Variants in SMC5 observed in about 807,000 individuals in gnomAD.
The protein encoded by SMC5 is structural maintenance of chromosomes 5.
SMC5 carries 88 observed loss-of-function variants against 148.3 expected under a neutral mutation model. The observed-to-expected ratio is 0.59, with a 90% CI of 0.50 to 0.71. The LOEUF (loss-of-function observed/expected upper bound fraction) is 0.71, where lower values mean the gene tolerates loss of function less well. Ranked by LOEUF, SMC5 falls within the 30% of genes least tolerant of loss-of-function variation. SMC5 has a pLI of 0.00. For synonymous variants in SMC5, 421 were observed against 432.8 expected, an observed-to-expected ratio of 0.97 and a Z score of 0.34; for missense variants, 1,142 against 1,298.9, an observed-to-expected ratio of 0.88 and a Z score of 1.86.
intron 1 of SMC5, among the ~76,000 whole-genome samples, chr9:70,262,811 G>A (rs892968649): frequency 4.6e-5 from 7 of 152,170 alleles, no homozygotes; most frequent in African/African-American, 1.7e-4. Flanking sequence ...TTTACCAATA[G>A]CTCTTTCAGA....
chr9:70,326,658 C>T (rs1484149706), intron 17 of SMC5, among the ~76,000 whole-genome samples: 1 of 140,698 alleles, frequency 7.1e-6, no homozygotes, highest in African/African-American at 2.7e-5. Flanking sequence ...AGGTTAAAAG[C>T]TACACTCATC....
chr9:70,264,505 T>C, intron 2 of SMC5, 60 bp downstream of exon 2: 1 of 1,563,288 alleles, frequency 6.4e-7, no homozygotes, highest in Non-Finnish European at 8.8e-7. Flanking sequence ...TTTAGTAACA[T>C]CAATTTCTAC....
Position 70,323,598 on chromosome 9 carries a change from C to G in SMC5, c.2266C>G (p.Leu756Val). Reference protein sequence around the residue: ...KAKLVTELTNLIKICTSLHIQ... With the variant: ...KAKLVTELTNVIKICTSLHIQ... ...GAAACTTGTTACCGAATTAACAAAC[C>G]TAATAAAGGTAAGGTATTGTTTTAA... The change falls in exon 16 of 25, where the codon CTA becomes GTA. Residue 756 changes from leucine to valine, a missense_variant. By Grantham distance (32) the Leu-to-Val change is conservative. Transcript: ENST00000361138. 1 of 1,610,104 alleles carries G rather than the reference C, an allele frequency of 6.2e-7. No individual in the cohort carries two copies. Among genetic ancestry groups the G allele is most frequent in the Non-Finnish European group, 8.5e-7 (1 of 1,178,238 alleles).
At chr9:70,344,063 A>T in intron 17 of SMC5, 81 bp from the exon 18 acceptor site, 1 of 781,598 alleles carries the variant, frequency 1.3e-6, no homozygotes, top group South Asian at 3.7e-5. Context: ...ATTCAACAAT[A>T]TTTAATATGT....
Position 70,323,503 on chromosome 9 carries a change from A to C in SMC5, c.2171A>C (p.Asp724Ala), listed in dbSNP as rs2035998834. 6.2e-7 allele frequency: 1 copy of C among 1,611,380 alleles called. No individual in the cohort carries two copies. ...TACAGTTTAAAGCTGATGGAACAGG[A>C]TACTTGCAATCTTGAAGAGGAAGAG... is the stretch of plus-strand genomic sequence containing the variant. ...KLGSLKLMEQ[D>A]TCNLEEEERK... Residue 724 changes from aspartate (D) to alanine (A), a missense_variant, in exon 16 of 25, where the codon GAT (aspartate) becomes GCT (alanine). Asp to Ala is a moderately radical substitution (Grantham distance 126). This residue lies in a region of SMC5 where 743 missense variants were observed against 835.7 expected (regional missense o/e 0.89). Coordinates refer to ENST00000361138, the MANE Select transcript of SMC5 (RefSeq NM_015110.4).
In SMC5 at chr9:70,298,236, G is replaced by A; in HGVS notation, c.1309+15G>A. On this transcript the variant is annotated intron_variant, in intron 9 of 24. Transcript: ENST00000361138. ...GGAGAAAAAGAGTAAGTTTCATAAA[G>A]TTAGAATGAAATGTTTATAAAATGT... 1.9e-6 allele frequency: 3 copies of A among 1,600,250 alleles called. No individual in the cohort carries two copies. The highest frequency in any genetic ancestry group is 2.6e-6 in the Non-Finnish European group (3 of 1,174,752).
chr9:70,350,719 GT>G (rs1173050132), intron 24 of SMC5, among the ~76,000 whole-genome samples: 1 of 152,054 alleles, frequency 6.6e-6, no homozygotes, highest in Non-Finnish European at 1.5e-5. Context: ...TCTAGAAAAG[GT>G]ACTCTTTCAG....
In SMC5 at chr9:70,259,210, G is replaced by A. The variant is rs1242243029; in HGVS notation, c.132G>A (p.Ser44=). 4.4e-6 allele frequency: 7 copies of A among 1,607,012 alleles called. No individual in the cohort carries two copies. Among genetic ancestry groups the A allele is most frequent in the Middle Eastern group, 1.6e-4 (1 of 6,066 alleles). The change falls in exon 1 of 25, where the codon TCG becomes TCA. Residue 44 remains serine (S), a synonymous_variant. Transcript: ENST00000361138. ...NSAPQLPLLQ[S]SGPFVEGSIV... ...CCCCGCAGCTGCCGCTGTTGCAGTC[G>A]TCCGGGCCTTTCGTGGAAGGCTCTA...
intron 22 of SMC5, among the ~76,000 whole-genome samples, chr9:70,349,194 G>C (rs1342255064): frequency 6.6e-6 from 1 of 152,202 alleles, no homozygotes; most frequent in Non-Finnish European, 1.5e-5. Flanking sequence ...AGACTCCCAA[G>C]TAGCTGGGAT....
chr9:70,298,029 A>G lies in SMC5; in HGVS notation c.1117A>G (p.Ile373Val), dbSNP rs1457106997. The G allele has an allele frequency of 1.9e-6, 3 of 1,614,048 alleles. No homozygotes were observed. Among genetic ancestry groups the G allele is most frequent in the Non-Finnish European group, 2.5e-6 (3 of 1,179,948 alleles). ...QNEELDRQRR[I>V]GNTRKMIEDL... ...TGAAGAGCTTGACCGACAGAGGAGAATAGGTAATACCCGCAAAATGATAGA... is the reference window on the plus strand; with the variant it reads ...TGAAGAGCTTGACCGACAGAGGAGAGTAGGTAATACCCGCAAAATGATAGA... The change falls in exon 9 of 25, where the codon ATA becomes GTA. Residue 373 changes from isoleucine (I) to valine (V), a missense_variant. Coordinates refer to ENST00000361138, the MANE Select transcript of SMC5 (RefSeq NM_015110.4).
Position 70,298,173 on chromosome 9 carries a change from A to G in SMC5, c.1261A>G (p.Ile421Val). The stretch of plus-strand genomic sequence containing the variant: ...TGAAAAGGCATTATGTGAAGGCGAA[A>G]TAATTGATAAGCGAAGAGAGAGGGA... ...QDEKALCEGE[I>V]IDKRRERETL... Residue 421 changes from isoleucine (I) to valine (V), a missense_variant, in exon 9 of 25, where the codon ATA becomes GTA. Around this residue, in one of 5 missense-constraint regions of SMC5, gnomAD observed 743 missense variants for 835.7 expected, o/e 0.89. Coordinates refer to ENST00000361138, the MANE Select transcript of SMC5 (RefSeq NM_015110.4). 1 of 1,614,028 alleles carries G rather than the reference A, an allele frequency of 6.2e-7. No homozygotes were observed. Among genetic ancestry groups the G allele is most frequent in the Non-Finnish European group, 8.5e-7 (1 of 1,179,926 alleles).
Position 70,313,078 on chromosome 9 carries a change from G to T in SMC5, c.1579-1664G>T, listed in dbSNP as rs191446839. On this transcript the variant is annotated intron_variant, in intron 11 of 24. Transcript: ENST00000361138. Reference sequence around the variant, plus strand: ...TTGAGTTTCTCTACTACATATAAAGGCTATTTCAGCTTCTTTTTCATCTTG... The same window carrying T: ...TTGAGTTTCTCTACTACATATAAAGTCTATTTCAGCTTCTTTTTCATCTTG... Among the ~76,000 whole-genome samples the T allele has an allele frequency of 5.9e-5, 9 of 152,064 alleles. No homozygotes were observed. The East Asian group carries it at 1.7e-3, about 29-fold the overall frequency.
chr9:70,265,058 G>A (rs1262344856), intron 2 of SMC5, among the ~76,000 whole-genome samples: 1 of 152,168 alleles, frequency 6.6e-6, no homozygotes, highest in Non-Finnish European at 1.5e-5. Context: ...CCTGCGTAGG[G>A]CACTTAACCA....
At position 70,299,432 on chromosome 9, in the gene SMC5, C is replaced by T. The variant is rs555972907; in HGVS notation, c.1310-614C>T. On this transcript the variant is annotated intron_variant, in intron 9 of 24. Coordinates refer to ENST00000361138, the MANE Select transcript of SMC5 (RefSeq NM_015110.4). ...GAGTCCCATAGCCTTCTGTCCTTCTCCTTCCATCTAAACTGGTTGTTCTTG... is the reference window on the plus strand; with the variant it reads ...GAGTCCCATAGCCTTCTGTCCTTCTTCTTCCATCTAAACTGGTTGTTCTTG... Among the ~76,000 whole-genome samples, 29 of 151,678 alleles carry T rather than the reference C, an allele frequency of 1.9e-4. No homozygotes were observed. The South Asian group carries it at 4.8e-3, about 25-fold the overall frequency.
chr9:70,341,261 T>A lies in SMC5; in HGVS notation c.2398-2883T>A, dbSNP rs11142376. ...ATTACACATATGCCACCAAACAAAC[T>A]ATTAAATGAGGTTTTGTCTTTCTAA... On this transcript the variant is annotated intron_variant, in intron 17 of 24. Coordinates refer to ENST00000361138, the MANE Select transcript of SMC5 (RefSeq NM_015110.4). Among the ~76,000 whole-genome samples, 67 of 152,234 alleles carry A rather than the reference T, an allele frequency of 4.4e-4. No homozygotes were observed. In the East Asian group the frequency reaches 0.012, roughly 28 times the overall value.
chr9:70,282,671 G>T, intron 7 of SMC5, 88 bp downstream of exon 7: 1 of 1,289,524 alleles, frequency 7.8e-7, no homozygotes, highest in East Asian at 2.7e-5. Flanking sequence ...ATATTTTCAA[G>T]GGTTTTCTTG....
chr9:70,289,634 A>G (rs187572668), intron 8 of SMC5, among the ~76,000 whole-genome samples: 4 of 151,396 alleles, frequency 2.6e-5, no homozygotes, highest in East Asian at 1.9e-4. Flanking sequence ...CTCTCTTTCT[A>G]TTTTCTGTTG....
intron 2 of SMC5, among the ~76,000 whole-genome samples, chr9:70,265,268 G>A (rs2034258743): frequency 1.3e-5 from 2 of 152,098 alleles, no homozygotes; most frequent in Non-Finnish European, 2.9e-5. Flanking sequence ...AGACCAGCCT[G>A]GTCAACATGG....
At chr9:70,326,904 A>G (rs1056333779) in intron 17 of SMC5, among the ~76,000 whole-genome samples, 1 of 152,134 alleles carries the variant, frequency 6.6e-6, no homozygotes, top group Non-Finnish European at 1.5e-5. Context: ...CAGTAATCAT[A>G]ATGTTAATAT....
Sources: allele counts gnomAD v4.1 joint callset (sites outside exome capture counted in the v4.1 genomes callset), GRCh38; gene constraint gnomAD v4.1.1; regional missense constraint gnomAD v4.1.1; transcripts MANE v1.5; gene names NCBI Gene and HGNC (gene_info 2026-07-23, HGNC 2026-07-21).